CADPS: variants seen among roughly 807,000 people sequenced by gnomAD.
CADPS encodes calcium dependent secretion activator, also known as calcium-dependent secretion activator 1.
In CADPS, 57 loss-of-function variants were observed where a neutral mutation model predicts 167.3. The observed-to-expected ratio is 0.34, with a 90% CI of 0.28 to 0.42. CADPS has a LOEUF of 0.42. Among genes scored for constraint, CADPS ranks in the 20% least tolerant of loss-of-function variants. The pLI is 1.00. For missense variants in CADPS, 1,414 were observed against 1,738.1 expected, an observed-to-expected ratio of 0.81 and a Z score of 3.32; for synonymous variants, 676 against 635.3, an observed-to-expected ratio of 1.06 and a Z score of -0.96.
intron 6 of CADPS, among the ~76,000 whole-genome samples, chr3:62,605,250 C>CA (rs34366222): frequency 0.49 from 20,804 of 42,844 alleles, 1,584 homozygotes; most frequent in Middle Eastern, 0.58. Flanking sequence ...AGGGGAAAAA[C>CA]AAAAAAAAAA....
intron 17 of CADPS, among the ~76,000 whole-genome samples, chr3:62,504,217 A>G (rs1445779807): frequency 6.6e-6 from 1 of 152,224 alleles, no homozygotes; most frequent in African/African-American, 2.4e-5. Context: ...GTGTGTAAAT[A>G]GAATTTGGAA....
chr3:62,696,244 T>C (rs2080252076), intron 3 of CADPS, among the ~76,000 whole-genome samples: 1 of 152,098 alleles, frequency 6.6e-6, no homozygotes, highest in South Asian at 2.1e-4. Flanking sequence ...CAATTAGTGA[T>C]GCTATGGGGA....
intron 6 of CADPS, among the ~76,000 whole-genome samples, chr3:62,638,845 AG>A (rs1563202708): frequency 1.3e-5 from 2 of 152,162 alleles, no homozygotes; most frequent in Non-Finnish European, 2.9e-5. Flanking sequence ...TTGTTGAGGT[AG>A]AAGGGACCTT....
intron 28 of CADPS, among the ~76,000 whole-genome samples, chr3:62,429,780 T>G (rs759050846): frequency 6.6e-6 from 1 of 152,150 alleles, no homozygotes; most frequent in Non-Finnish European, 1.5e-5. Context: ...ACTGTGACCT[T>G]AACGTAACAG....
Position 62,399,056 on chromosome 3 carries a change from C to G in CADPS, c.*350G>C, listed in dbSNP as rs17062. On this transcript the variant is annotated 3_prime_UTR_variant, in exon 30 of 30. Coordinates refer to ENST00000383710, the MANE Select transcript of CADPS (RefSeq NM_003716.4). The surrounding 1 kb of genome is among the most constrained non-coding windows in gnomAD (Gnocchi z 5.6). ...AGAGTGAATGTACTTGATGTACTTGCCCTCACATCCATTTACCACCAATGC... is the reference window on the plus strand; with the variant it reads ...AGAGTGAATGTACTTGATGTACTTGGCCTCACATCCATTTACCACCAATGC... The G allele has an allele frequency of 0.012, 2,139 of 173,188 alleles. 48 individuals carry two copies. Among genetic ancestry groups the G allele is most frequent in the African/African-American group, 0.047 (2,000 of 42,462 alleles). The allele number at this position is 173,188 out of a possible 1,614,324, so 10.7% of individuals were successfully genotyped here.
chr3:62,816,927 T>C (rs928211825), intron 1 of CADPS, among the ~76,000 whole-genome samples: 2 of 152,128 alleles, frequency 1.3e-5, no homozygotes, highest in East Asian at 3.9e-4. Context: ...ATCAAAATGT[T>C]CTAACCAGAG....
intron 6 of CADPS, among the ~76,000 whole-genome samples, chr3:62,630,278 A>G (rs1453435505): frequency 5.3e-5 from 8 of 152,166 alleles, no homozygotes; most frequent in African/African-American, 1.9e-4. Flanking sequence ...ATCAAACTAC[A>G]GTCTTTAATT....
chr3:62,816,092 G>C (rs780125503), intron 1 of CADPS, among the ~76,000 whole-genome samples: 1 of 152,092 alleles, frequency 6.6e-6, no homozygotes, highest in Non-Finnish European at 1.5e-5. Flanking sequence ...TAAATTAACA[G>C]TTTCATGATA....
At chr3:62,764,637 A>G (rs2086382273) in intron 2 of CADPS, among the ~76,000 whole-genome samples, 1 of 152,206 alleles carries the variant, frequency 6.6e-6, no homozygotes, top group African/African-American at 2.4e-5. Context: ...TGCTTTAGCA[A>G]GTGGGAAGAA....
At chr3:62,798,292 A>G (rs2093565746) in intron 1 of CADPS, among the ~76,000 whole-genome samples, 1 of 152,158 alleles carries the variant, frequency 6.6e-6, no homozygotes, top group Non-Finnish European at 1.5e-5. Context: ...TGTGGCTAAG[A>G]TAAAGCAGGC....
intron 8 of CADPS, among the ~76,000 whole-genome samples, chr3:62,583,563 C>T (rs1333286145): frequency 1.3e-5 from 2 of 152,102 alleles, no homozygotes; most frequent in Non-Finnish European, 2.9e-5. Flanking sequence ...TTTTTCACAC[C>T]CCAGGCAGAA....
At chr3:62,842,505 T>A (rs143207567) in intron 1 of CADPS, among the ~76,000 whole-genome samples, 21 of 152,250 alleles carry the variant, frequency 1.4e-4, no homozygotes, top group African/African-American at 4.6e-4. Flanking sequence ...TTCTTCATGA[T>A]TGCCTCAATT....
intron 7 of CADPS, among the ~76,000 whole-genome samples, chr3:62,592,244 CT>C (rs1439415189): frequency 6.6e-6 from 1 of 152,056 alleles, no homozygotes; most frequent in African/African-American, 2.4e-5. Flanking sequence ...AATTTACTTC[CT>C]TTTGTTTCTC....
chr3:62,785,710 G>A (rs2092350413), intron 1 of CADPS, among the ~76,000 whole-genome samples: 1 of 152,154 alleles, frequency 6.6e-6, no homozygotes, highest in Admixed American at 6.5e-5. Flanking sequence ...GGTTACAACA[G>A]ATGAGTTCTT....
intron 26 of CADPS, among the ~76,000 whole-genome samples, chr3:62,451,630 C>G (rs1394082995): frequency 1.3e-5 from 2 of 152,008 alleles, no homozygotes; most frequent in Non-Finnish European, 2.9e-5. Flanking sequence ...AAAAAACAAT[C>G]AAGGAAATGA....
At chr3:62,526,322 T>C (rs991154371) in intron 13 of CADPS, among the ~76,000 whole-genome samples, 5 of 152,322 alleles carry the variant, frequency 3.3e-5, no homozygotes, top group Admixed American at 2.0e-4. Flanking sequence ...TGCAGCTTAC[T>C]TTGGATTGCG....
At chr3:62,560,452 C>T (rs1203749267) in intron 9 of CADPS, among the ~76,000 whole-genome samples, 1 of 152,176 alleles carries the variant, frequency 6.6e-6, no homozygotes, top group Non-Finnish European at 1.5e-5. Flanking sequence ...GCCTGGAATG[C>T]ATGTTAGAAG....
At chr3:62,665,337 G>C (rs2074217414) in intron 3 of CADPS, among the ~76,000 whole-genome samples, 2 of 152,148 alleles carry the variant, frequency 1.3e-5, no homozygotes, top group South Asian at 4.1e-4. Flanking sequence ...AGAGCAGTTT[G>C]GAAAATTCCA....
intron 18 of CADPS, among the ~76,000 whole-genome samples, chr3:62,495,550 A>G (rs2151184691): frequency 6.6e-6 from 1 of 152,380 alleles, no homozygotes. Flanking sequence ...TACTTCGGCT[A>G]CTAAATACTT....
Sources: gnomAD v4.1 joint callset for allele counts (sites outside exome capture counted in the v4.1 genomes callset) on GRCh38, gnomAD v4.1.1 for gene constraint, Gnocchi (gnomAD v3.1) non-coding constraint, MANE v1.5 for transcripts, NCBI Gene and HGNC (gene_info 2026-07-23, HGNC 2026-07-21) for gene names.